ARHGEF4: variants seen among roughly 807,000 people sequenced by gnomAD.
The protein encoded by ARHGEF4 is APC-stimulated guanine nucleotide exchange factor 1.
ARHGEF4 carries 119 observed loss-of-function variants against 162.0 expected under a neutral mutation model. That is an observed-to-expected ratio of 0.73 (90% CI 0.63 to 0.86). ARHGEF4 has a LOEUF of 0.86. ARHGEF4 is among the 40% of genes least tolerant of loss of function. The pLI is 0.00. For missense variants in ARHGEF4, 2,488 were observed against 2,456.0 expected (o/e 1.01, Z -0.28); for synonymous variants, 1,014 against 979.9 (o/e 1.03, Z -0.65).
intron 1 of ARHGEF4, among the ~76,000 whole-genome samples, chr2:130,892,690 C>A (rs1679927127): frequency 6.6e-6 from 1 of 152,182 alleles, no homozygotes; most frequent in African/African-American, 2.4e-5. Flanking sequence ...AGGGTGGAGC[C>A]CATTCCAGAG....
chr2:130,989,885 CTG>C (rs1686827668), intron 4 of ARHGEF4, among the ~76,000 whole-genome samples: 1 of 152,216 alleles, frequency 6.6e-6, no homozygotes, highest in African/African-American at 2.4e-5. Flanking sequence ...TAATGATACT[CTG>C]TGAATGGAGA....
chr2:131,006,606 A>G (rs1454735424), intron 4 of ARHGEF4, among the ~76,000 whole-genome samples: 1 of 152,192 alleles, frequency 6.6e-6, no homozygotes, highest in Non-Finnish European at 1.5e-5. Context: ...GATTCTCACC[A>G]TTTTCCCAAA....
Position 130,917,253 on chromosome 2 carries a change from C to T in ARHGEF4, c.3307C>T (p.Arg1103Trp), listed in dbSNP as rs773975956. 6.5e-6 allele frequency: 10 copies of T among 1,550,376 alleles called. No individual in the cohort carries two copies. Among genetic ancestry groups the T allele is most frequent in the East Asian group, 2.4e-5 (1 of 40,904 alleles). ...CCTGAGTCCCAGGCCTAGTGCTCAG[C>T]GGATGGGTCTCCACTACCCCGGGAG... ...KPLSPRPSAQ[R>W]MGLHYPGRGS... Residue 1103 changes from arginine (R) to tryptophan (W), a missense_variant, in exon 2 of 14, where the codon CGG (arginine) becomes TGG (tryptophan). Transcript: ENST00000409359.
intron 4 of ARHGEF4, among the ~76,000 whole-genome samples, chr2:131,001,923 G>C (rs907977168): frequency 5.3e-5 from 8 of 152,210 alleles, no homozygotes; most frequent in Admixed American, 6.5e-5. Flanking sequence ...GGTAACATGA[G>C]GGGCAAGGCT....
chr2:130,971,832 CT>C (rs1685392837), intron 4 of ARHGEF4, among the ~76,000 whole-genome samples: 1 of 152,164 alleles, frequency 6.6e-6, no homozygotes, highest in Admixed American at 6.5e-5. Context: ...GCCAAGAGCT[CT>C]CCACCAGACC....
chr2:130,915,441 G>T lies in ARHGEF4; in HGVS notation c.1495G>T (p.Ala499Ser), dbSNP rs1251591630. 1 of 1,550,598 alleles carries T rather than the reference G, an allele frequency of 6.4e-7. No homozygotes were observed. Among genetic ancestry groups the T allele is most frequent in the East Asian group, 2.4e-5 (1 of 40,916 alleles). ...QKHLWGISVQ[A>S]GNQTSNYTSK... ...GCACCTCTGGGGCATTTCTGTCCAGGCAGGAAACCAAACCAGTAATTACAC... is the reference window on the plus strand; with the variant it reads ...GCACCTCTGGGGCATTTCTGTCCAGTCAGGAAACCAAACCAGTAATTACAC... Residue 499 changes from alanine (A) to serine (S), a missense_variant, in exon 2 of 14, where the codon GCA (alanine) becomes TCA (serine). Ala to Ser is a moderately conservative substitution (Grantham distance 99). Transcript: ENST00000409359.
Position 131,044,334 on chromosome 2 carries a change from C to A in ARHGEF4, c.5193C>A (p.Gly1731=), listed in dbSNP as rs368783512. The A allele has an allele frequency of 1.2e-6, 2 of 1,609,720 alleles. No homozygotes were observed. Among genetic ancestry groups the A allele is most frequent in the Admixed American group, 3.4e-5 (2 of 59,600 alleles). ...LLRRDVLYYK[G]RLDMDGLEVV... is the part of the protein sequence containing the mutation. ...GCCGCGACGTGTTGTACTACAAGGG[C>A]CGGCTGGACATGGACGGCCTGGAGG... The change falls in exon 12 of 14, where the codon GGC becomes GGA. Residue 1731 remains glycine, a synonymous_variant. Coordinates refer to ENST00000409359, the MANE Select transcript of ARHGEF4 (RefSeq NM_001367493.1).
At chr2:130,993,901 ATCCCCCT>A (rs778452199) in intron 4 of ARHGEF4, among the ~76,000 whole-genome samples, 1 of 152,058 alleles carries the variant, frequency 6.6e-6, no homozygotes, top group Non-Finnish European at 1.5e-5. Context: ...CTCCTGCCTC[ATCCCCCT>A]GAGTAGATGG....
At chr2:131,021,307 G>A (rs1689115641) in intron 4 of ARHGEF4, among the ~76,000 whole-genome samples, 2 of 152,088 alleles carry the variant, frequency 1.3e-5, no homozygotes, top group Admixed American at 1.3e-4. Flanking sequence ...ACAGAACAGA[G>A]CCCTCAGAAA....
At position 130,914,989 on chromosome 2, in the gene ARHGEF4, C is replaced by G; in HGVS notation, c.1043C>G (p.Pro348Arg). The change falls in exon 2 of 14, where the codon CCC becomes CGC. Residue 348 changes from proline to arginine, a missense_variant. Physicochemically the swap from Pro to Arg is moderately radical, Grantham distance 103. Transcript: ENST00000409359. ...ATAGCAGGGTTTTCACCAGAGTGCC[C>G]CGAGGATCCCGTGGGACAGAATGTT... is the stretch of plus-strand genomic sequence containing the variant. ...HSIAGFSPEC[P>R]EDPVGQNVVK... The G allele has an allele frequency of 6.4e-7, 1 of 1,550,554 alleles. No individual in the cohort carries two copies. Among genetic ancestry groups the G allele is most frequent in the African/African-American group, 1.4e-5 (1 of 73,150 alleles).
rs1573722907 is a variant in ARHGEF4, at chr2:131,046,129, C to G, written c.5571C>G (p.Pro1857=). ...AGCAGGTCCTGGTGCTGGCGGAGCC[C>G]AGGCGCAAGCCATCTACCTTCTGGC... The part of the protein sequence containing the change: ...PQQQVLVLAE[P]RRKPSTFWHS... The change falls in exon 14 of 14, where the codon CCC becomes CCG. Residue 1857 remains proline, a synonymous_variant. Transcript: ENST00000409359. 4 of 1,613,048 alleles carry G rather than the reference C, an allele frequency of 2.5e-6. No individual in the cohort carries two copies. The highest frequency in any genetic ancestry group is 1.7e-5 in the Admixed American group (1 of 60,002).
At chr2:131,029,867 C>T (rs112542017) in intron 5 of ARHGEF4, among the ~76,000 whole-genome samples, 4,072 of 152,324 alleles carry the variant, frequency 0.027, 171 homozygotes, top group African/African-American at 0.092. Flanking sequence ...TGTACTTTCT[C>T]TGGAAGACTC....
intron 4 of ARHGEF4, among the ~76,000 whole-genome samples, chr2:130,978,445 C>G (rs1485731663): frequency 1.3e-5 from 2 of 152,178 alleles, no homozygotes; most frequent in Non-Finnish European, 2.9e-5. Context: ...ATATTCTTGG[C>G]CTGATTACTC....
intron 11 of ARHGEF4, 125 bp from the exon 12 acceptor site, chr2:131,044,172 ACT>A: frequency 1.4e-6 from 2 of 1,383,238 alleles, no homozygotes; most frequent in Non-Finnish European, 2.0e-6. Flanking sequence ...TCAGGATCTC[ACT>A]GTCTGCTGGG....
In ARHGEF4 at chr2:131,046,033, T is replaced by C. The variant is rs1003947409; in HGVS notation, c.5480-5T>C. On this transcript the variant is annotated splice_region_variant and splice_polypyrimidine_tract_variant and intron_variant, in intron 13 of 13. Transcript: ENST00000409359. The stretch of plus-strand genomic sequence containing the variant: ...CATGACCCTCTGCTGTCTCTCCCTG[T>C]TCAGCTGTTGGCCGGCCCTGCTACC... The C allele has an allele frequency of 6.2e-7, 1 of 1,609,456 alleles. No homozygotes were observed. The highest frequency in any genetic ancestry group is 1.3e-5 in the African/African-American group (1 of 74,910).
At position 130,936,548 on chromosome 2, in the gene ARHGEF4, T is replaced by C. The variant is rs556295383; in HGVS notation, c.3858+5291T>C. The stretch of plus-strand genomic sequence containing the variant: ...TTTTGAAGTACAGTTTTCCCAGATA[T>C]ATAACTTCTGCTGAACCTTTTTTTT... On this transcript the variant is annotated intron_variant, in intron 3 of 13. Transcript: ENST00000409359. 5.9e-5 allele frequency among the ~76,000 whole-genome samples: 9 copies of C among 152,330 alleles called. No individual in the cohort carries two copies. In the East Asian group the frequency reaches 7.7e-4, roughly 13 times the overall value.
At chr2:130,969,588 G>A (rs1393889834) in intron 4 of ARHGEF4, among the ~76,000 whole-genome samples, 1 of 151,026 alleles carries the variant, frequency 6.6e-6, no homozygotes, top group Non-Finnish European at 1.5e-5. Context: ...GACAGAGTGA[G>A]ACTCCGTCTC....
intron 12 of ARHGEF4, 43 bp from the exon 13 acceptor site, chr2:131,045,326 G>C (rs1160810911): frequency 6.3e-7 from 1 of 1,581,428 alleles, no homozygotes; most frequent in Non-Finnish European, 8.6e-7. Flanking sequence ...TGCACCTGGG[G>C]CCACGAAGTG....
intron 4 of ARHGEF4, among the ~76,000 whole-genome samples, chr2:130,950,427 C>G (rs1046364800): frequency 6.6e-6 from 1 of 152,192 alleles, no homozygotes; most frequent in Non-Finnish European, 1.5e-5. Context: ...TGGGTTTTAC[C>G]AGGACTACCT....
Sources: allele counts gnomAD v4.1 joint callset (sites outside exome capture counted in the v4.1 genomes callset), GRCh38; gene constraint gnomAD v4.1.1; transcripts MANE v1.5; gene names NCBI Gene and HGNC (gene_info 2026-07-23, HGNC 2026-07-21).